The following MAF variants were observed in gnomAD, a reference collection of about 807,000 sequenced individuals.
MAF encodes the protein transcription factor Maf.
In MAF, 10 loss-of-function variants were observed where a neutral mutation model predicts 22.0. The ratio of observed to expected loss-of-function variants is 0.45; its 90% CI spans 0.28 to 0.77. The LOEUF (loss-of-function observed/expected upper bound fraction) is 0.77. MAF is among the 30% of genes least tolerant of loss of function. The pLI is 0.12. For synonymous variants in MAF, 337 were observed against 255.8 expected (o/e 1.32, Z -3.03); for missense variants, 544 against 548.4 (o/e 0.99, Z 0.08).
At chr16:79,525,045 C>T in the MAF span, among the ~76,000 whole-genome samples, 1 of 152,140 alleles carries the variant, frequency 6.6e-6, no homozygotes, top group Non-Finnish European at 1.5e-5. Context: ...ACCAGCTCCC[C>T]AGCCAGTGAC....
At chr16:79,392,238 G>A in the MAF span, among the ~76,000 whole-genome samples, 9 of 146,538 alleles carry the variant, frequency 6.1e-5, no homozygotes, top group African/African-American at 2.3e-4. Flanking sequence ...GAAGGAGGGG[G>A]AGAGGAGAAA....
the MAF span, among the ~76,000 whole-genome samples, chr16:79,263,527 G>A: frequency 6.6e-6 from 1 of 152,188 alleles, no homozygotes; most frequent in East Asian, 1.9e-4. Context: ...ATTTAACTTT[G>A]TTTCTTCATG....
At chr16:79,573,120 C>T in the MAF span, among the ~76,000 whole-genome samples, 1 of 152,138 alleles carries the variant, frequency 6.6e-6, no homozygotes, top group Non-Finnish European at 1.5e-5. Context: ...CCTATTAGGT[C>T]ATTTATCTTC....
the MAF span, among the ~76,000 whole-genome samples, chr16:79,519,679 A>G: frequency 2.0e-5 from 3 of 152,216 alleles, no homozygotes; most frequent in Admixed American, 6.5e-5. Context: ...CTGCTCTCGT[A>G]TACCCAAGTA....
chr16:79,551,161 G>T, the MAF span, among the ~76,000 whole-genome samples: 6 of 152,242 alleles, frequency 3.9e-5, no homozygotes, highest in Middle Eastern at 3.4e-3. Flanking sequence ...TCAAAGAGGG[G>T]TCACCCAAGG....
At chr16:79,401,648 G>A in the MAF span, among the ~76,000 whole-genome samples, 1 of 152,090 alleles carries the variant, frequency 6.6e-6, no homozygotes, top group Non-Finnish European at 1.5e-5. Flanking sequence ...ACATTCCAGT[G>A]TGTACCCATA....
chr16:79,334,373 C>T, the MAF span, among the ~76,000 whole-genome samples: 24 of 152,312 alleles, frequency 1.6e-4, no homozygotes, highest in East Asian at 2.9e-3. Context: ...GTCCCATGTG[C>T]GCGCTGTGCA....
At chr16:79,573,312 T>C in the MAF span, among the ~76,000 whole-genome samples, 2 of 152,234 alleles carry the variant, frequency 1.3e-5, no homozygotes, top group Admixed American at 6.5e-5. Flanking sequence ...TTTACAGCAT[T>C]TGGGTTTTAC....
chr16:79,470,045 T>G, the MAF span, among the ~76,000 whole-genome samples: 1 of 152,250 alleles, frequency 6.6e-6, no homozygotes, highest in Non-Finnish European at 1.5e-5. Flanking sequence ...GTCTGCTCCT[T>G]CTGCTCGCCA....
chr16:79,251,313 TA>T, the MAF span, among the ~76,000 whole-genome samples: 1 of 98,764 alleles, frequency 1.0e-5, no homozygotes, highest in African/African-American at 5.0e-5. Context: ...TTTAAGTCTT[TA>T]TCTTTTTTTT....
At chr16:79,420,893 G>T in the MAF span, among the ~76,000 whole-genome samples, 1 of 152,112 alleles carries the variant, frequency 6.6e-6, no homozygotes, top group African/African-American at 2.4e-5. Flanking sequence ...AATTATCCAG[G>T]CATGGGGGCA....
chr16:79,256,257 G>C, the MAF span, among the ~76,000 whole-genome samples: 3 of 151,866 alleles, frequency 2.0e-5, no homozygotes, highest in Non-Finnish European at 4.4e-5. Context: ...CAGAGTGCTG[G>C]GATTACAGGT....
the MAF span, among the ~76,000 whole-genome samples, chr16:79,379,442 C>G: frequency 6.6e-5 from 10 of 151,912 alleles, no homozygotes; most frequent in Admixed American, 5.3e-4. Context: ...TTTCTAAGAT[C>G]TGGGCAGGGT....
chr16:79,443,249 G>A, the MAF span, among the ~76,000 whole-genome samples: 2 of 152,144 alleles, frequency 1.3e-5, no homozygotes, highest in Non-Finnish European at 2.9e-5. Context: ...GGGACATTTG[G>A]TTCAACTTCA....
the MAF span, among the ~76,000 whole-genome samples, chr16:79,531,689 G>A: frequency 6.6e-6 from 1 of 152,118 alleles, no homozygotes; most frequent in African/African-American, 2.4e-5. Context: ...CACTGATATA[G>A]CAGGAGGCAG....
At chr16:79,411,228 T>C in the MAF span, among the ~76,000 whole-genome samples, 2 of 146,302 alleles carry the variant, frequency 1.4e-5, no homozygotes, top group Non-Finnish European at 3.0e-5. Flanking sequence ...GGACCTCGCC[T>C]TTCTCGTTAT....
the MAF span, among the ~76,000 whole-genome samples, chr16:79,409,833 G>A: frequency 5.3e-5 from 8 of 152,180 alleles, no homozygotes; most frequent in African/African-American, 1.7e-4. Flanking sequence ...TTCGATATCT[G>A]CACTAATCCC....
chr16:79,527,069 T>C, the MAF span, among the ~76,000 whole-genome samples: 4 of 152,236 alleles, frequency 2.6e-5, no homozygotes, highest in Non-Finnish European at 4.4e-5. Context: ...ACACCAGTGC[T>C]GTGGGGGAAC....
intron 1 of MAF, chr16:79,596,968 A>C (rs528736446): frequency 5.0e-5 from 53 of 1,051,992 alleles, no homozygotes; most frequent in East Asian, 2.2e-4. Flanking sequence ...AGAAAAAAAA[A>C]CATACATTTT....
Sources: gnomAD v4.1 joint callset for allele counts (sites outside exome capture counted in the v4.1 genomes callset) on GRCh38, gnomAD v4.1.1 for gene constraint, MANE v1.5 for transcripts, NCBI Gene and HGNC (gene_info 2026-07-23, HGNC 2026-07-21) for gene names.